Variants in TAF11 observed in about 807,000 individuals in gnomAD.
The protein encoded by TAF11 is transcription initiation factor TFIID subunit 11.
A neutral mutation model predicts 23.0 loss-of-function variants in TAF11; 10 were observed. That is an observed-to-expected ratio of 0.43 (90% CI 0.27 to 0.74). The LOEUF is 0.74. TAF11 is among the 30% of genes least tolerant of loss of function. The pLI is 0.19. For missense variants in TAF11, 196 were observed against 261.7 expected (o/e 0.75, Z 1.73); for synonymous variants, 85 against 95.8 (o/e 0.89, Z 0.66).
At chr6:34,884,619 A>G (rs999333746) in intron 1 of TAF11, among the ~76,000 whole-genome samples, 1 of 152,218 alleles carries the variant, frequency 6.6e-6, no homozygotes, top group Non-Finnish European at 1.5e-5. Context: ...ATAAAAATCA[A>G]ATCCAAACTT....
rs952801086 is a variant in TAF11 at position 34,878,037 on chromosome 6, G to A, written c.*553C>T. ...GGCTGAGGCAGGAGGACTGCTTGAA[G>A]CCAGGAGTTCACGACCAGCCTGGGC... On this transcript the variant is annotated 3_prime_UTR_variant, in exon 5 of 5. Coordinates refer to ENST00000361288, the MANE Select transcript of TAF11 (RefSeq NM_005643.4). 2 of 152,466 alleles carry A rather than the reference G, an allele frequency of 1.3e-5. No individual in the cohort carries two copies. The highest frequency in any genetic ancestry group is 2.4e-5 in the African/African-American group (1 of 41,436). 9.4% of individuals were successfully genotyped at this position (152,466 alleles called of 1,614,324 possible). A position where few individuals can be genotyped will look rare whatever the true frequency, so the allele number is the denominator to read the frequency against.
chr6:34,881,371 C>CTA (rs1414301768), intron 2 of TAF11, among the ~76,000 whole-genome samples: 1 of 152,136 alleles, frequency 6.6e-6, no homozygotes, highest in Non-Finnish European at 1.5e-5. Flanking sequence ...TTATACCCAA[C>CTA]TATATACTTA....
At chr6:34,882,833 T>G in intron 2 of TAF11, 99 bp downstream of exon 2, 3 of 1,388,348 alleles carry the variant, frequency 2.2e-6, no homozygotes, top group Non-Finnish European at 2.9e-6. Flanking sequence ...TATTTTCTTT[T>G]GAGTTTATAA....
At position 34,883,829 on chromosome 6, in the gene TAF11, A is replaced by C. The variant is rs1279259179; in HGVS notation, c.172-749T>G. Among the ~76,000 whole-genome samples the C allele has an allele frequency of 2.0e-5, 3 of 152,238 alleles. No homozygotes were observed. In the East Asian group the frequency reaches 5.8e-4, roughly 29 times the overall value. On this transcript the variant is annotated intron_variant, in intron 1 of 4. Coordinates refer to ENST00000361288, the MANE Select transcript of TAF11 (RefSeq NM_005643.4). ...ATCATGTGAAAAAAAGGTCAGCTTCACTGATTAGAGAAATGCAAATCAAAA... is the reference window on the plus strand; with the variant it reads ...ATCATGTGAAAAAAAGGTCAGCTTCCCTGATTAGAGAAATGCAAATCAAAA...
chr6:34,879,977 C>CACCT lies in TAF11; in HGVS notation c.491_494dup (p.Val166GlyfsTer10). On this transcript the variant is annotated frameshift_variant, in exon 4 of 5. Coordinates refer to ENST00000361288, the MANE Select transcript of TAF11 (RefSeq NM_005643.4). LOFTEE classifies it high-confidence loss of function. ...ACCAACACTACTCACCTTCTTCTAC[C>CACCT]ACCTCCCCGACGAAAACCTTGGAAA... 1 of 1,613,878 alleles carries CACCT rather than the reference C, an allele frequency of 6.2e-7. No homozygotes were observed. Among genetic ancestry groups the CACCT allele is most frequent in the African/African-American group, 1.3e-5 (1 of 74,994 alleles).
Position 34,879,986 on chromosome 6 carries a change from G to A in TAF11, c.486C>T (p.Val162=), listed in dbSNP as rs1766391522. Residue 162 remains valine (V), a synonymous_variant, in exon 4 of 5, where the codon GTC becomes GTT. Coordinates refer to ENST00000361288, the MANE Select transcript of TAF11 (RefSeq NM_005643.4). ...IAMSGISKVF[V]GEVVEEALDV... ...ACTCACCTTCTTCTACCACCTCCCC[G>A]ACGAAAACCTTGGAAATACCAGACA... 7.4e-6 allele frequency: 12 copies of A among 1,613,888 alleles called. No homozygotes were observed. Among genetic ancestry groups the A allele is most frequent in the Middle Eastern group, 1.6e-4 (1 of 6,062 alleles).
chr6:34,880,173 T>TC lies in TAF11; in HGVS notation c.409-111dup, dbSNP rs1766396231. Reference sequence around the variant, plus strand: ...TAAGATAACTGAAGTGCATTTTTTTTCCCACCTAAATAATCCCCTGACTTG... The same window carrying TC: ...TAAGATAACTGAAGTGCATTTTTTTTCCCCACCTAAATAATCCCCTGACTTG... On this transcript the variant is annotated intron_variant, in intron 3 of 4. Transcript: ENST00000361288. This position sits in a 1 kb window ranked among gnomAD's most constrained non-coding sequence, Gnocchi z 4.8. 19 of 1,519,910 alleles carry TC rather than the reference T, an allele frequency of 1.3e-5. No individual in the cohort carries two copies. The highest frequency in any genetic ancestry group is 3.5e-5 in the Admixed American group (2 of 57,850). The allele number at this position is 1,519,910 out of a possible 1,614,324, so 94.2% of individuals were successfully genotyped here.
Position 34,877,648 on chromosome 6 carries a change from T to G in TAF11, c.*942A>C, listed in dbSNP as rs1766330486. ...TGAAGTACTCTTTTATGAGATAAAA[T>G]TTTAATGGTTCTACTAGAAAAAGTG... On this transcript the variant is annotated 3_prime_UTR_variant, in exon 5 of 5. Transcript: ENST00000361288. 1 of 152,520 alleles carries G rather than the reference T, an allele frequency of 6.6e-6. No individual in the cohort carries two copies. The highest frequency in any genetic ancestry group is 1.5e-5 in the Non-Finnish European group (1 of 68,012). 9.4% of individuals were successfully genotyped at this position (152,520 alleles called of 1,614,324 possible). A position where few individuals can be genotyped will look rare whatever the true frequency, so the allele number is the denominator to read the frequency against.
chr6:34,886,213 G>A (rs918959210), intron 1 of TAF11, among the ~76,000 whole-genome samples: 1 of 152,026 alleles, frequency 6.6e-6, no homozygotes, highest in African/African-American at 2.4e-5. Context: ...GCTGGGATAA[G>A]AGGATTGCTT....
At chr6:34,884,350 T>G (rs1370829533) in intron 1 of TAF11, among the ~76,000 whole-genome samples, 1 of 151,790 alleles carries the variant, frequency 6.6e-6, no homozygotes, top group Non-Finnish European at 1.5e-5. Context: ...CACTAATAAG[T>G]GGGAACTAAA....
intron 1 of TAF11, among the ~76,000 whole-genome samples, chr6:34,886,392 C>CA (rs1179175097): frequency 9.0e-6 from 1 of 110,554 alleles, no homozygotes. Flanking sequence ...AAACAAAAAA[C>CA]AAAAAACAAA....
Position 34,877,537 on chromosome 6 carries a change from A to G in TAF11, c.*1053T>C, listed in dbSNP as rs1208621161. The G allele has an allele frequency of 1.3e-5, 2 of 152,560 alleles. No homozygotes were observed. Among genetic ancestry groups the G allele is most frequent in the East Asian group, 1.9e-4 (1 of 5,178 alleles). 9.5% of individuals were successfully genotyped at this position (152,560 alleles called of 1,614,324 possible). A position where few individuals can be genotyped will look rare whatever the true frequency, so the allele number is the denominator to read the frequency against. On this transcript the variant is annotated 3_prime_UTR_variant, in exon 5 of 5. Transcript: ENST00000361288. ...TAATGATTGTTGTATATCCGTTGAT[A>G]AGAATCTGAAATATATGGGCTTTTA...
At position 34,880,469 on chromosome 6, in the gene TAF11, A is replaced by T; in HGVS notation, c.321-93T>A. On this transcript the variant is annotated intron_variant, in intron 2 of 4. Transcript: ENST00000361288. The surrounding 1 kb of genome is among the most constrained non-coding windows in gnomAD (Gnocchi z 4.8). The stretch of plus-strand genomic sequence containing the variant: ...AAAAGTTTCAGACAATTCAAAAACG[A>T]ATTCTTAAAGGGGTCAATGGCATTA... 1 of 1,247,936 alleles carries T rather than the reference A, an allele frequency of 8.0e-7. No individual in the cohort carries two copies. Among genetic ancestry groups the T allele is most frequent in the Non-Finnish European group, 1.1e-6 (1 of 878,602 alleles). 77.3% of individuals were successfully genotyped at this position (1,247,936 alleles called of 1,614,324 possible).
chr6:34,884,966 T>C (rs1421561251), intron 1 of TAF11, among the ~76,000 whole-genome samples: 1 of 150,090 alleles, frequency 6.7e-6, no homozygotes, highest in Non-Finnish European at 1.5e-5. Context: ...TTTCATATTT[T>C]GTAATGTTAT....
chr6:34,882,125 G>C (rs936410356), intron 2 of TAF11, among the ~76,000 whole-genome samples: 39 of 139,768 alleles, frequency 2.8e-4, no homozygotes, highest in Non-Finnish European at 5.4e-4. Context: ...GGATCACGAA[G>C]TCAGGAGTTC....
chr6:34,880,165 A>G lies in TAF11; in HGVS notation c.409-102T>C. The G allele has an allele frequency of 6.6e-7, 1 of 1,519,068 alleles. No homozygotes were observed. The highest frequency in any genetic ancestry group is 9.1e-7 in the Non-Finnish European group (1 of 1,099,620). 94.1% of individuals were successfully genotyped at this position (1,519,068 alleles called of 1,614,324 possible). A position where few individuals can be genotyped will look rare whatever the true frequency, so the allele number is the denominator to read the frequency against. ...GAAAAAGGTAAGATAACTGAAGTGC[A>G]TTTTTTTTCCCACCTAAATAATCCC... On this transcript the variant is annotated intron_variant, in intron 3 of 4. Coordinates refer to ENST00000361288, the MANE Select transcript of TAF11 (RefSeq NM_005643.4). The surrounding 1 kb of genome is among the most constrained non-coding windows in gnomAD (Gnocchi z 4.8).
intron 1 of TAF11, 84 bp from the exon 2 acceptor site, chr6:34,883,164 AAAC>A (rs1766473811): frequency 7.1e-7 from 1 of 1,402,086 alleles, no homozygotes; most frequent in Non-Finnish European, 9.7e-7. Flanking sequence ...CCTTATCACA[AAAC>A]AACAAATCCA....
chr6:34,879,603 T>C (rs1246383409), intron 4 of TAF11: 1 of 984,996 alleles, frequency 1.0e-6, no homozygotes, highest in Middle Eastern at 5.2e-4. Context: ...TTCCTAGGGA[T>C]CACAACATTA....
At chr6:34,886,943 C>T (rs527334601) in intron 1 of TAF11, among the ~76,000 whole-genome samples, 25 of 152,232 alleles carry the variant, frequency 1.6e-4, no homozygotes, top group African/African-American at 6.0e-4. Flanking sequence ...GTTTCTGGTC[C>T]TGACCGATAC....
Sources: gnomAD v4.1 joint callset for allele counts (sites outside exome capture counted in the v4.1 genomes callset) on GRCh38, gnomAD v4.1.1 for gene constraint, Gnocchi (gnomAD v3.1) non-coding constraint, MANE v1.5 for transcripts, NCBI Gene and HGNC (gene_info 2026-07-23, HGNC 2026-07-21) for gene names.